The following TULP4 variants were observed in gnomAD, a reference collection of about 807,000 sequenced individuals.
TULP4 encodes TUB like protein 4.
TULP4 carries 16 observed loss-of-function variants against 129.0 expected under a neutral mutation model. The observed-to-expected ratio is 0.12, with a 90% CI of 0.08 to 0.19. The LOEUF is 0.19. Ranked by LOEUF, TULP4 falls within the 10% of genes least tolerant of loss-of-function variation. The probability of loss-of-function intolerance (pLI) is 1.00; values close to 1 mark genes in which losing one functional copy is unlikely to be tolerated. For synonymous variants in TULP4, 998 were observed against 854.0 expected (o/e 1.17, Z -2.94); for missense variants, 1,842 against 2,059.1 (o/e 0.89, Z 2.04).
At chr6:158,337,124 TTC>T (rs1780060184) in intron 1 of TULP4, among the ~76,000 whole-genome samples, 2 of 96,612 alleles carry the variant, frequency 2.1e-5, no homozygotes, top group Non-Finnish European at 3.9e-5. Context: ...CTCTCTTTCT[TTC>T]TCTTTTTTTT....
intron 1 of TULP4, among the ~76,000 whole-genome samples, chr6:158,267,593 T>C (rs1159827791): frequency 6.6e-6 from 1 of 152,232 alleles, no homozygotes; most frequent in Non-Finnish European, 1.5e-5. Flanking sequence ...AGCCATCTCA[T>C]AGTAAATCTT....
intron 1 of TULP4, among the ~76,000 whole-genome samples, chr6:158,268,035 CTTT>C (rs773811376): frequency 1.4e-5 from 1 of 72,766 alleles, no homozygotes; most frequent in Non-Finnish European, 3.1e-5. Flanking sequence ...TTTCTTTTTT[CTTT>C]TTTTTTTTTT....
At chr6:158,458,741 ATGAG>A (rs1779351338) in intron 5 of TULP4, among the ~76,000 whole-genome samples, 1 of 152,184 alleles carries the variant, frequency 6.6e-6, no homozygotes, top group Admixed American at 6.5e-5. Flanking sequence ...TAGAAATTGA[ATGAG>A]TATTTTCTTT....
At chr6:158,250,202 G>A (rs1778113724) in intron 1 of TULP4, among the ~76,000 whole-genome samples, 1 of 150,444 alleles carries the variant, frequency 6.6e-6, no homozygotes, top group South Asian at 2.1e-4. Context: ...TCTGTCACCA[G>A]GCTGGAGTGC....
chr6:158,494,426 C>T (rs1780281246), intron 10 of TULP4, among the ~76,000 whole-genome samples: 1 of 152,112 alleles, frequency 6.6e-6, no homozygotes, highest in African/African-American at 2.4e-5. Context: ...CCAATGCAAC[C>T]GATGTTTTCA....
chr6:158,435,581 C>T (rs1778732422), intron 3 of TULP4, among the ~76,000 whole-genome samples: 2 of 152,288 alleles, frequency 1.3e-5, no homozygotes, highest in South Asian at 4.1e-4. Context: ...AGACCTCTCC[C>T]CTTTTTTCCA....
At chr6:158,456,637 G>A (rs560452914) in intron 5 of TULP4, among the ~76,000 whole-genome samples, 2 of 152,182 alleles carry the variant, frequency 1.3e-5, no homozygotes, top group South Asian at 4.2e-4. Context: ...TTCGAGACTA[G>A]CCTGGCCAAT....
intron 1 of TULP4, among the ~76,000 whole-genome samples, chr6:158,374,697 A>G (rs1720259591): frequency 6.6e-6 from 1 of 152,216 alleles, no homozygotes; most frequent in Non-Finnish European, 1.5e-5. Flanking sequence ...TAGCAGTAAC[A>G]ATGAACATAG....
At chr6:158,346,816 T>A (rs1780324093) in intron 1 of TULP4, among the ~76,000 whole-genome samples, 1 of 151,804 alleles carries the variant, frequency 6.6e-6, no homozygotes, top group African/African-American at 2.4e-5. Context: ...TCCTCATGAC[T>A]TGATGATGAT....
chr6:158,382,802 A>C (rs147465525), intron 1 of TULP4, among the ~76,000 whole-genome samples: 13 of 152,234 alleles, frequency 8.5e-5, no homozygotes, highest in Non-Finnish European at 1.9e-4. Context: ...TTTGTAAGCC[A>C]TGAGACTTGT....
chr6:158,490,266 G>C (rs1349152103), intron 9 of TULP4, among the ~76,000 whole-genome samples: 1 of 152,088 alleles, frequency 6.6e-6, no homozygotes, highest in African/African-American at 2.4e-5. Context: ...CGTGGTGGCG[G>C]GTGCCTGTAG....
chr6:158,486,409 C>G (rs558891762), intron 8 of TULP4, among the ~76,000 whole-genome samples: 1 of 152,018 alleles, frequency 6.6e-6, no homozygotes, highest in Non-Finnish European at 1.5e-5. Flanking sequence ...AAAAATTAGC[C>G]GGGCGTGGTG....
intron 1 of TULP4, among the ~76,000 whole-genome samples, chr6:158,331,268 C>T (rs1779871450): frequency 6.6e-6 from 1 of 152,148 alleles, no homozygotes; most frequent in Non-Finnish European, 1.5e-5. Flanking sequence ...CTACTCCCTC[C>T]ATGAGTACTG....
chr6:158,314,421 A>AAGATGG (rs1562516770), intron 1 of TULP4, among the ~76,000 whole-genome samples, 153 bp downstream of exon 1: 1 of 151,568 alleles, frequency 6.6e-6, no homozygotes, highest in Admixed American at 6.6e-5. Context: ...TCTGGCAGAA[A>AAGATGG]AGATGCTAAG....
In TULP4 at chr6:158,502,938, A is replaced by C. The variant is rs558627982; in HGVS notation, c.3275A>C (p.Glu1092Ala). Residue 1092 changes from glutamate to alanine, a missense_variant, in exon 13 of 14, where the codon GAG (glutamate) becomes GCG (alanine). By Grantham distance (107) the Glu-to-Ala change is moderately radical. Coordinates refer to ENST00000367097, the MANE Select transcript of TULP4 (RefSeq NM_020245.5). ...DYVNSAFTED[E>A]ALSQHCQLEK... ...GTCAACTCGGCCTTCACGGAGGACG[A>C]GGCCCTGTCCCAGCACTGTCAGCTT... is the stretch of plus-strand genomic sequence containing the variant. 4 of 1,613,984 alleles carry C rather than the reference A, an allele frequency of 2.5e-6. No individual in the cohort carries two copies. The highest frequency in any genetic ancestry group is 3.4e-6 in the Non-Finnish European group (4 of 1,180,000).
upstream of TULP4, among the ~76,000 whole-genome samples, chr6:158,307,665 T>C (rs1007563893): frequency 5.3e-5 from 8 of 152,142 alleles, no homozygotes; most frequent in African/African-American, 1.7e-4. Context: ...TATTTTTTAG[T>C]AGAGATGGGG....
At chr6:158,349,840 A>G (rs1780456809) in intron 1 of TULP4, among the ~76,000 whole-genome samples, 3 of 137,432 alleles carry the variant, frequency 2.2e-5, no homozygotes, top group Non-Finnish European at 4.7e-5. Flanking sequence ...GCGGCCGGGC[A>G]GAGGCGCTCC....
chr6:158,258,670 CA>C (rs1453159099), intron 1 of TULP4, among the ~76,000 whole-genome samples: 1 of 152,156 alleles, frequency 6.6e-6, no homozygotes, highest in Admixed American at 6.5e-5. Flanking sequence ...TAAAGCAAAA[CA>C]AAACAATCAA....
At chr6:158,296,460 G>A (rs774671477) in intron 1 of TULP4, among the ~76,000 whole-genome samples, 1 of 151,918 alleles carries the variant, frequency 6.6e-6, no homozygotes, top group Admixed American at 6.6e-5. Context: ...TTTTATTAAG[G>A]GTTTCAAAAG....
Sources: gnomAD v4.1 joint callset for allele counts (sites outside exome capture counted in the v4.1 genomes callset) on GRCh38, gnomAD v4.1.1 for gene constraint, MANE v1.5 for transcripts, NCBI Gene and HGNC (gene_info 2026-07-23, HGNC 2026-07-21) for gene names.